Variants in VAV2 observed in about 807,000 individuals in gnomAD.
The protein encoded by VAV2 is guanine nucleotide exchange factor VAV2.
A neutral mutation model predicts 132.5 loss-of-function variants in VAV2; 67 were observed. That is an observed-to-expected ratio of 0.51 (90% confidence interval 0.42 to 0.62). The LOEUF (loss-of-function observed/expected upper bound fraction) is 0.62. Ranked by LOEUF, VAV2 falls within the 20% of genes least tolerant of loss-of-function variation. VAV2 has a pLI of 0.00. For synonymous variants in VAV2, 492 were observed against 443.5 expected (o/e 1.11, Z -1.37); for missense variants, 938 against 1,153.6 (o/e 0.81, Z 2.71).
At chr9:133,825,121 A>T (rs1835933379) in intron 4 of VAV2, among the ~76,000 whole-genome samples, 1 of 142,964 alleles carries the variant, frequency 7.0e-6, no homozygotes, top group African/African-American at 2.6e-5. Context: ...ATGAGGCACC[A>T]CGGCCAGTGG....
intron 4 of VAV2, among the ~76,000 whole-genome samples, 189 bp from the exon 5 acceptor site, chr9:133,812,405 G>A (rs58680387): frequency 0.034 from 5,231 of 152,320 alleles, 309 homozygotes; most frequent in African/African-American, 0.12. Context: ...ACTGGGCAGC[G>A]TAAGGCGCAT....
In VAV2 at chr9:133,834,442, G is replaced by T; in HGVS notation, c.381-102C>A. 1 of 1,191,806 alleles carries T rather than the reference G, an allele frequency of 8.4e-7. No individual in the cohort carries two copies. 73.8% of individuals were successfully genotyped at this position (1,191,806 alleles called of 1,614,324 possible). On this transcript the variant is annotated intron_variant, in intron 3 of 29. Transcript: ENST00000371850. The surrounding 1 kb of genome is among the most constrained non-coding windows in gnomAD (Gnocchi z 5.9). ...GCAGAGCCCAGTGTGGCCCAGCCAG[G>T]AGCAAAGGGGCTCTTGTCCACTCTC...
At chr9:133,856,979 G>T (rs1410251729) in intron 3 of VAV2, among the ~76,000 whole-genome samples, 1 of 152,188 alleles carries the variant, frequency 6.6e-6, no homozygotes, top group Non-Finnish European at 1.5e-5. Context: ...ACGATGCACA[G>T]ACACAGAGCA....
intron 25 of VAV2, 79 bp from the exon 26 acceptor site, chr9:133,772,125 G>T: frequency 1.7e-6 from 1 of 599,076 alleles, no homozygotes; most frequent in East Asian, 2.4e-5. Flanking sequence ...GGCTCATTCT[G>T]TGTTTGCTGC....
chr9:133,792,118 G>C (rs1253858617), intron 12 of VAV2, among the ~76,000 whole-genome samples: 1 of 69,266 alleles, frequency 1.4e-5, no homozygotes, highest in East Asian at 3.7e-4. Flanking sequence ...ACTGTGTGGG[G>C]TGTGTGTGAG....
At chr9:133,801,570 C>A (rs1588195050) in intron 9 of VAV2, among the ~76,000 whole-genome samples, 1 of 152,198 alleles carries the variant, frequency 6.6e-6, no homozygotes, top group Non-Finnish European at 1.5e-5. Flanking sequence ...CACCTGCACA[C>A]CCCTAGCCCC....
At chr9:133,766,793 A>C (rs1305902998) in intron 29 of VAV2, among the ~76,000 whole-genome samples, 1 of 93,142 alleles carries the variant, frequency 1.1e-5, no homozygotes, top group Non-Finnish European at 2.3e-5. Context: ...TATATCCCAA[A>C]AACAAAAAAA....
In VAV2 at chr9:133,967,933, CAAAAAAAA is replaced by C. The variant is rs34152925; in HGVS notation, c.204+24134_204+24141del. Among the ~76,000 whole-genome samples, 543 of 71,394 alleles carry C rather than the reference CAAAAAAAA, an allele frequency of 7.6e-3. 21 individuals are homozygous for C. The Admixed American group carries it at 0.082, about 11-fold the overall frequency. 46.8% of individuals were successfully genotyped at this position (71,394 alleles called of 152,430 possible). ...GGGCAACAGAGGAAGACTCTATAAC[CAAAAAAAA>C]AAAAAAAAAAAAAAAACCTAAATAT... On this transcript the variant is annotated intron_variant, in intron 1 of 29. Coordinates refer to ENST00000371850, the MANE Select transcript of VAV2 (RefSeq NM_001134398.2).
chr9:133,882,079 C>T (rs1358772137), intron 2 of VAV2, among the ~76,000 whole-genome samples: 1 of 152,244 alleles, frequency 6.6e-6, no homozygotes, highest in Non-Finnish European at 1.5e-5. Context: ...AGGCAAGAGG[C>T]AGCCATCCCC....
At chr9:133,787,213 G>A (rs2131608202) in intron 16 of VAV2, 33 bp downstream of exon 16, 1 of 1,560,164 alleles carries the variant, frequency 6.4e-7, no homozygotes, top group Admixed American at 1.8e-5. Flanking sequence ...GATGATTGAG[G>A]CAGGTGGGAG....
At chr9:133,948,830 G>A (rs1167323285) in intron 1 of VAV2, among the ~76,000 whole-genome samples, 1 of 152,188 alleles carries the variant, frequency 6.6e-6, no homozygotes, top group African/African-American at 2.4e-5. Context: ...CGTATCCCTG[G>A]TCTACAGGTG....
Position 133,921,978 on chromosome 9 carries a change from G to A in VAV2, c.321+17125C>T, listed in dbSNP as rs1840311977. On this transcript the variant is annotated intron_variant, in intron 2 of 29. Transcript: ENST00000371850. ...CTGCTTGCTTCCCGGCACCGGCAGG[G>A]CGAGTGGGCCAGCTAATGGCGCACG... Among the ~76,000 whole-genome samples the A allele has an allele frequency of 2.6e-5, 4 of 152,272 alleles. 1 individual carries two copies. Among genetic ancestry groups the A allele is most frequent in the African/African-American group, 7.2e-5 (3 of 41,478 alleles).
intron 1 of VAV2, among the ~76,000 whole-genome samples, chr9:133,971,539 A>G (rs994224075): frequency 4.1e-4 from 63 of 152,290 alleles, no homozygotes; most frequent in African/African-American, 1.5e-3. Flanking sequence ...GGGGGGCCTG[A>G]GCTGCTCCAC....
intron 4 of VAV2, among the ~76,000 whole-genome samples, chr9:133,827,648 C>A (rs78922397): frequency 0.041 from 344 of 8,458 alleles, 132 homozygotes; most frequent in East Asian, 0.33. Context: ...GGCATCACCA[C>A]CTACCGCTGC....
At chr9:133,842,259 G>A (rs796307291) in intron 3 of VAV2, among the ~76,000 whole-genome samples, 26 of 152,318 alleles carry the variant, frequency 1.7e-4, no homozygotes, top group Admixed American at 4.6e-4. Context: ...AGTGGAACCC[G>A]ACTCACAGAA....
chr9:133,853,439 C>G (rs555080427), intron 3 of VAV2, among the ~76,000 whole-genome samples: 1 of 152,122 alleles, frequency 6.6e-6, no homozygotes, highest in Non-Finnish European at 1.5e-5. Flanking sequence ...GGAGGCCCTG[C>G]CCCAGCGGCC....
rs970728322 is a variant in VAV2 at position 133,823,209 on chromosome 9, T to C, written c.450-10993A>G. Among the ~76,000 whole-genome samples the C allele has an allele frequency of 6.6e-6, 1 of 152,200 alleles. No homozygotes were observed. The highest frequency in any genetic ancestry group is 2.4e-5 in the African/African-American group (1 of 41,444). Reference sequence around the variant, plus strand: ...TCTCTGTGCTCTGCTCCTTTATGAATGACCCTTATGGAGCGTTTATCTCAG... The same window carrying C: ...TCTCTGTGCTCTGCTCCTTTATGAACGACCCTTATGGAGCGTTTATCTCAG... On this transcript the variant is annotated intron_variant, in intron 4 of 29. Transcript: ENST00000371850. This position sits in a 1 kb window ranked among gnomAD's most constrained non-coding sequence, Gnocchi z 5.5.
intron 3 of VAV2, among the ~76,000 whole-genome samples, chr9:133,852,218 G>A (rs1837216442): frequency 6.6e-6 from 1 of 151,724 alleles, no homozygotes. Flanking sequence ...GAATAGACAG[G>A]GAGATGGGTG....
chr9:133,793,784 G>A (rs576842897), intron 12 of VAV2, among the ~76,000 whole-genome samples: 3 of 152,280 alleles, frequency 2.0e-5, no homozygotes, highest in Non-Finnish European at 2.9e-5. Context: ...GGCCCACAGC[G>A]GCACGGGGGC....
Sources: gnomAD v4.1 joint callset for allele counts (sites outside exome capture counted in the v4.1 genomes callset) on GRCh38, gnomAD v4.1.1 for gene constraint, Gnocchi (gnomAD v3.1) non-coding constraint, MANE v1.5 for transcripts, NCBI Gene and HGNC (gene_info 2026-07-23, HGNC 2026-07-21) for gene names.